MYO1F: variants seen among roughly 807,000 people sequenced by gnomAD.
MYO1F encodes unconventional myosin-If.
In MYO1F, 60 loss-of-function variants were observed where a neutral mutation model predicts 146.6. That is an observed-to-expected ratio of 0.41 (90% confidence interval 0.33 to 0.51). The LOEUF (loss-of-function observed/expected upper bound fraction) is 0.51, where lower values mean the gene tolerates loss of function less well. Ranked by LOEUF, MYO1F falls within the 20% of genes least tolerant of loss-of-function variation. The pLI is 0.25. For synonymous variants in MYO1F, 602 were observed against 602.1 expected (o/e 1.00, Z 0.00); for missense variants, 1,274 against 1,534.3 (o/e 0.83, Z 2.83).
chr19:8,542,078 A>G (rs1240605288), intron 14 of MYO1F, 87 bp from the exon 15 acceptor site: 3 of 1,041,544 alleles, frequency 2.9e-6, no homozygotes, highest in African/African-American at 1.6e-5. Context: ...CAGGTGGTCA[A>G]GGCTTTCCTG....
intron 25 of MYO1F, among the ~76,000 whole-genome samples, chr19:8,524,345 G>A (rs1330732678): frequency 6.7e-6 from 1 of 149,350 alleles, no homozygotes; most frequent in Non-Finnish European, 1.5e-5. Context: ...GAACCCAGAA[G>A]GTGGAAAGTT....
chr19:8,526,497 C>T lies in MYO1F; in HGVS notation c.2726G>A (p.Arg909Gln), dbSNP rs1972272989. 2 of 1,573,196 alleles carry T rather than the reference C, an allele frequency of 1.3e-6. No individual in the cohort carries two copies. Among genetic ancestry groups the T allele is most frequent in the Non-Finnish European group, 1.7e-6 (2 of 1,160,118 alleles). Residue 909 changes from arginine (R) to glutamine (Q), a missense_variant, in exon 24 of 28, where the codon CGG (arginine) becomes CAG (glutamine). Around this residue, in one of 2 missense-constraint regions of MYO1F, gnomAD observed 374 missense variants for 379.2 expected, o/e 0.99. Coordinates refer to ENST00000644032, the MANE Select transcript of MYO1F (RefSeq NM_012335.4). Reference sequence around the variant, plus strand: ...ATCGCCCACGCTGACCGTGAGGGTCCGACCGCCAACCTTGAGCACTGCCAA... The same window carrying T: ...ATCGCCCACGCTGACCGTGAGGGTCTGACCGCCAACCTTGAGCACTGCCAA... ...GDLAVLKVGG[R>Q]TLTVSVGDGL...
At chr19:8,546,860 G>A (rs1973380599) in intron 12 of MYO1F, among the ~76,000 whole-genome samples, 1 of 151,966 alleles carries the variant, frequency 6.6e-6, no homozygotes, top group South Asian at 2.1e-4. Context: ...TATATTTTTA[G>A]TAGAGATGGG....
chr19:8,558,778 C>A (rs1042611298), intron 1 of MYO1F, among the ~76,000 whole-genome samples: 2 of 152,092 alleles, frequency 1.3e-5, no homozygotes, highest in African/African-American at 4.8e-5. Flanking sequence ...GAGACTGGGG[C>A]TGAGTCTTTT....
chr19:8,535,467 A>G (rs1278450271), intron 19 of MYO1F, among the ~76,000 whole-genome samples: 1 of 151,944 alleles, frequency 6.6e-6, no homozygotes, highest in African/African-American at 2.4e-5. Context: ...ACAGGGTCTC[A>G]CTATGTTTCC....
At chr19:8,552,320 G>T (rs151077254) in intron 6 of MYO1F, among the ~76,000 whole-genome samples, 156 bp from the exon 7 acceptor site, 1 of 151,820 alleles carries the variant, frequency 6.6e-6, no homozygotes, top group African/African-American at 2.4e-5. Flanking sequence ...ATTCAGTGGC[G>T]CAATGTCGGC....
chr19:8,530,184 C>T lies in MYO1F; in HGVS notation c.2328+12G>A, dbSNP rs369784147. 4.3e-6 allele frequency: 7 copies of T among 1,613,872 alleles called. No individual in the cohort carries two copies. Among genetic ancestry groups the T allele is most frequent in the Non-Finnish European group, 5.9e-6 (7 of 1,179,984 alleles). On this transcript the variant is annotated intron_variant, in intron 21 of 27. Coordinates refer to ENST00000644032, the MANE Select transcript of MYO1F (RefSeq NM_012335.4). The surrounding 1 kb of genome is among the most constrained non-coding windows in gnomAD (Gnocchi z 5.8). ...GTCAGGGTCTTGCTGTGCCCACCCA[C>T]TAGTGCCTCACCTTGAAGCGGCGGT...
In MYO1F at chr19:8,532,155, C is replaced by CA. The variant is rs762394192; in HGVS notation, c.2044-1583dup. Among the ~76,000 whole-genome samples, 718 of 138,274 alleles carry CA rather than the reference C, an allele frequency of 5.2e-3. 4 individuals are homozygous for CA. The highest frequency in any genetic ancestry group is 0.016 in the African/African-American group (583 of 37,398). The allele number at this position is 138,274 out of a possible 152,430, so 90.7% of individuals were successfully genotyped here. ...AAAAGAAAAGAATGAAACTCCATCT[C>CA]AAAAAAAAAAAGAAAGAAAAAGAAA... On this transcript the variant is annotated intron_variant, in intron 19 of 27. Transcript: ENST00000644032.
chr19:8,564,461 TG>T (rs983285315), intron 1 of MYO1F, among the ~76,000 whole-genome samples: 91 of 152,084 alleles, frequency 6.0e-4, no homozygotes, highest in African/African-American at 2.1e-3. Context: ...GACAGAATCC[TG>T]GGGAGCAGTG....
In MYO1F at chr19:8,553,404, G is replaced by C. The variant is rs1973698251; in HGVS notation, c.360C>G (p.Ala120=). The change falls in exon 5 of 28, where the codon GCC becomes GCG. Residue 120 remains alanine (A), a synonymous_variant. Coordinates refer to ENST00000644032, the MANE Select transcript of MYO1F (RefSeq NM_012335.4). ...TGGAGATGTAGCCCATGATATATTT[G>C]GCTGCCACTGTCTTCCCAGCTCCAC... ...GESGAGKTVA[A]KYIMGYISKV... is the part of the protein sequence containing the mutation. The C allele has an allele frequency of 6.2e-7, 1 of 1,613,936 alleles. No homozygotes were observed. Among genetic ancestry groups the C allele is most frequent in the Non-Finnish European group, 8.5e-7 (1 of 1,180,022 alleles).
intron 8 of MYO1F, 47 bp downstream of exon 8, chr19:8,551,693 G>C (rs1973616743): frequency 6.2e-7 from 1 of 1,613,776 alleles, no homozygotes; most frequent in African/African-American, 1.3e-5. Context: ...GGGTTTCTGG[G>C]GCTGAGGTCT....
chr19:8,522,410 T>C lies in MYO1F; in HGVS notation c.3187A>G (p.Asn1063Asp). 6.2e-7 allele frequency: 1 copy of C among 1,614,162 alleles called. No individual in the cohort carries two copies. The highest frequency in any genetic ancestry group is 8.5e-7 in the Non-Finnish European group (1 of 1,180,028). ...AGGATCTCAATGACCTCGTTCACGT[T>C]GAAGCTCAGCTCGTCCACATCTTGG... Reference protein sequence around the residue: ...VGQDVDELSFNVNEVIEILME... With the variant: ...VGQDVDELSFDVNEVIEILME... Residue 1063 changes from asparagine to aspartate, a missense_variant, in exon 27 of 28, where the codon AAC (asparagine) becomes GAC (aspartate). This residue lies in a region of MYO1F where 374 missense variants were observed against 379.2 expected (regional missense o/e 0.99). Transcript: ENST00000644032.
intron 4 of MYO1F, among the ~76,000 whole-genome samples, chr19:8,553,823 GGTT>G (rs1202586174): frequency 1.3e-5 from 2 of 151,522 alleles, no homozygotes; most frequent in Non-Finnish European, 2.9e-5. Context: ...AGTGAGCTGA[GGTT>G]GTGCCACTGC....
chr19:8,522,267 C>T, intron 27 of MYO1F, 110 bp downstream of exon 27: 1 of 1,381,412 alleles, frequency 7.2e-7, no homozygotes, highest in Non-Finnish European at 1.0e-6. Flanking sequence ...CGTGATCTGC[C>T]CGCCTTGGCC....
Position 8,522,695 on chromosome 19 carries a change from C to T in MYO1F, c.2989G>A (p.Ala997Thr). The change falls in exon 26 of 28, where the codon GCA becomes ACA. Residue 997 changes from alanine (A) to threonine (T), a missense_variant. This residue lies in a region of MYO1F where 374 missense variants were observed against 379.2 expected (regional missense o/e 0.99). Coordinates refer to ENST00000644032, the MANE Select transcript of MYO1F (RefSeq NM_012335.4). ...TSLGASRRPR[A>T]RPPSEHNTEF... is the part of the protein sequence containing the mutation. ...GTGTTGTGCTCTGAGGGCGGACGTG[C>T]CCGGGGTCGTCTGCTGGCTCCCAGG... 6.2e-7 allele frequency: 1 copy of T among 1,613,948 alleles called. No individual in the cohort carries two copies. The highest frequency in any genetic ancestry group is 8.5e-7 in the Non-Finnish European group (1 of 1,179,988).
chr19:8,576,121 T>C lies in MYO1F; in HGVS notation c.3+1186A>G, dbSNP rs1030520396. ...AAGTTATTCTCTTGCCTCAGCCTCA[T>C]ATGTAGCTGGGATTACAGGCGTGTG... On this transcript the variant is annotated intron_variant, in intron 1 of 27. Coordinates refer to ENST00000644032, the MANE Select transcript of MYO1F (RefSeq NM_012335.4). 6.6e-5 allele frequency among the ~76,000 whole-genome samples: 10 copies of C among 152,286 alleles called. No homozygotes were observed. The South Asian group carries it at 2.1e-3, about 32-fold the overall frequency.
intron 1 of MYO1F, among the ~76,000 whole-genome samples, chr19:8,556,910 AG>A (rs895717314): frequency 6.8e-5 from 10 of 146,016 alleles, no homozygotes; most frequent in African/African-American, 2.7e-4. Context: ...AAAAAAAAAA[AG>A]GAAGCCAATC....
At chr19:8,541,356 A>G (rs574031040) in intron 15 of MYO1F, among the ~76,000 whole-genome samples, 35 of 150,636 alleles carry the variant, frequency 2.3e-4, no homozygotes, top group Non-Finnish European at 3.5e-4. Context: ...CATGTCAAAC[A>G]CTTTAAGGAT....
At chr19:8,575,987 G>T (rs1335639905) in intron 1 of MYO1F, among the ~76,000 whole-genome samples, 1 of 152,250 alleles carries the variant, frequency 6.6e-6, no homozygotes, top group Admixed American at 6.5e-5. Context: ...ATTCCGGGAT[G>T]CCCAATTTCT....
Sources: allele counts gnomAD v4.1 joint callset (sites outside exome capture counted in the v4.1 genomes callset), GRCh38; gene constraint gnomAD v4.1.1; regional missense constraint gnomAD v4.1.1; non-coding constraint Gnocchi (gnomAD v3.1); transcripts MANE v1.5; gene names NCBI Gene and HGNC (gene_info 2026-07-23, HGNC 2026-07-21).